Variants in CAMTA1 observed in about 807,000 individuals in gnomAD.
CAMTA1 encodes the protein calmodulin binding transcription activator 1.
In CAMTA1, 27 loss-of-function variants were observed where a neutral mutation model predicts 170.9. That is an observed-to-expected ratio of 0.16 (90% CI 0.12 to 0.22). The LOEUF (loss-of-function observed/expected upper bound fraction) is 0.22. Ranked by LOEUF, CAMTA1 falls within the 10% of genes least tolerant of loss-of-function variation. CAMTA1 has a pLI of 1.00. For missense variants in CAMTA1, 1,619 were observed against 2,217.2 expected, an observed-to-expected ratio of 0.73 and a Z score of 5.42; for synonymous variants, 833 against 891.5, an observed-to-expected ratio of 0.93 and a Z score of 1.17.
At chr1:7,462,965 C>T (rs913242316) in intron 5 of CAMTA1, among the ~76,000 whole-genome samples, 8 of 152,184 alleles carry the variant, frequency 5.3e-5, no homozygotes, top group African/African-American at 1.7e-4. Context: ...GCCACTGGGT[C>T]GGGGGCTCCT....
At chr1:7,442,335 C>T (rs909830163) in intron 5 of CAMTA1, among the ~76,000 whole-genome samples, 2 of 152,220 alleles carry the variant, frequency 1.3e-5, no homozygotes, top group African/African-American at 4.8e-5. Context: ...AAGTAGGTGC[C>T]TGCTTCCTGG....
At chr1:7,079,950 T>A (rs1487660042) in intron 3 of CAMTA1, among the ~76,000 whole-genome samples, 2 of 152,202 alleles carry the variant, frequency 1.3e-5, no homozygotes. Context: ...GAGTAAATTA[T>A]CCTTACATGG....
intron 4 of CAMTA1, among the ~76,000 whole-genome samples, chr1:7,221,875 C>G (rs1486416787): frequency 1.3e-5 from 2 of 150,408 alleles, no homozygotes; most frequent in African/African-American, 5.0e-5. Flanking sequence ...CCCCTGCCTT[C>G]CTTCAGAGGG....
chr1:7,443,492 C>T lies in CAMTA1; in HGVS notation c.439-24338C>T, dbSNP rs1042685836. Among the ~76,000 whole-genome samples the T allele has an allele frequency of 5.9e-5, 9 of 152,110 alleles. No homozygotes were observed. Among genetic ancestry groups the T allele is most frequent in the South Asian group, 2.1e-4 (1 of 4,824 alleles). On this transcript the variant is annotated intron_variant, in intron 5 of 22. Coordinates refer to ENST00000303635, the MANE Select transcript of CAMTA1 (RefSeq NM_015215.4). The surrounding 1 kb of genome is among the most constrained non-coding windows in gnomAD (Gnocchi z 4.1). ...CGAATCAGCATTTTCTGGAGACTGGCGCCTGGACCACCTCAGCACAATACC... is the reference window on the plus strand; with the variant it reads ...CGAATCAGCATTTTCTGGAGACTGGTGCCTGGACCACCTCAGCACAATACC...
At chr1:7,466,661 G>C (rs2093218233) in intron 5 of CAMTA1, among the ~76,000 whole-genome samples, 1 of 152,202 alleles carries the variant, frequency 6.6e-6, no homozygotes, top group Admixed American at 6.5e-5. Flanking sequence ...CCACCTGGCA[G>C]ATGTCCTGTG....
chr1:7,299,367 G>C lies in CAMTA1; in HGVS notation c.438+49741G>C, dbSNP rs2213775. 2.0e-5 allele frequency among the ~76,000 whole-genome samples: 3 copies of C among 152,246 alleles called. No homozygotes were observed. The East Asian group carries it at 5.8e-4, about 29-fold the overall frequency. ...GACTCTGAAGCCAGTGCTGTCAGCAGTTTCTCCCCCTTAATGTAATGCTGT... is the reference window on the plus strand; with the variant it reads ...GACTCTGAAGCCAGTGCTGTCAGCACTTTCTCCCCCTTAATGTAATGCTGT... On this transcript the variant is annotated intron_variant, in intron 5 of 22. Transcript: ENST00000303635. The surrounding 1 kb of genome is among the most constrained non-coding windows in gnomAD (Gnocchi z 4.7).
At chr1:7,302,484 G>A (rs538465497) in intron 5 of CAMTA1, among the ~76,000 whole-genome samples, 1 of 152,312 alleles carries the variant, frequency 6.6e-6, no homozygotes, top group East Asian at 1.9e-4. Context: ...GGCTGCCACG[G>A]TGGCTGTCAT....
chr1:7,350,166 C>T (rs2084546095), intron 5 of CAMTA1, among the ~76,000 whole-genome samples: 1 of 152,172 alleles, frequency 6.6e-6, no homozygotes, highest in Non-Finnish European at 1.5e-5. Flanking sequence ...TCTTGTTCTC[C>T]CCCACTATCC....
chr1:7,284,562 G>A (rs1306316442), intron 5 of CAMTA1, among the ~76,000 whole-genome samples: 1 of 152,142 alleles, frequency 6.6e-6, no homozygotes, highest in African/African-American at 2.4e-5. Flanking sequence ...GAAACACATG[G>A]GTTAATATGG....
intron 3 of CAMTA1, among the ~76,000 whole-genome samples, chr1:7,048,371 C>T (rs1343566694): frequency 6.6e-6 from 1 of 151,906 alleles, no homozygotes; most frequent in Non-Finnish European, 1.5e-5. Flanking sequence ...CAAATACTAC[C>T]TAGAGAGTCA....
At chr1:6,867,747 A>G (rs1371889545) in intron 3 of CAMTA1, among the ~76,000 whole-genome samples, 1 of 152,122 alleles carries the variant, frequency 6.6e-6, no homozygotes, top group Non-Finnish European at 1.5e-5. Context: ...TGATTTATTT[A>G]TATTTATAGA....
At chr1:7,464,087 T>C (rs1177658829) in intron 5 of CAMTA1, among the ~76,000 whole-genome samples, 1 of 152,220 alleles carries the variant, frequency 6.6e-6, no homozygotes, top group Non-Finnish European at 1.5e-5. Flanking sequence ...TGCCAGGCCT[T>C]AATTCCCCAA....
Position 7,351,444 on chromosome 1 carries a change from T to C in CAMTA1, c.438+101818T>C, listed in dbSNP as rs140800612. ...GGCCAAGGTACCTCCCACGACTCAG[T>C]GGTCACTGGCCAAGGAGGGAGCCAG... On this transcript the variant is annotated intron_variant, in intron 5 of 22. Transcript: ENST00000303635. 5.0e-3 allele frequency among the ~76,000 whole-genome samples: 763 copies of C among 152,294 alleles called. 7 individuals carry two copies. Among genetic ancestry groups the C allele is most frequent in the African/African-American group, 0.018 (734 of 41,564 alleles).
rs563427746 is a variant in CAMTA1 at position 7,580,312 on chromosome 1, G to C, written c.511-60088G>C. On this transcript the variant is annotated intron_variant, in intron 6 of 22. Coordinates refer to ENST00000303635, the MANE Select transcript of CAMTA1 (RefSeq NM_015215.4). This position sits in a 1 kb window ranked among gnomAD's most constrained non-coding sequence, Gnocchi z 4.3. ...CGTGGGAGCTGTTGGGGGGAATGGG[G>C]GCAGGTGGAGAAGAGGAGGAGCTTT... Among the ~76,000 whole-genome samples the C allele has an allele frequency of 6.6e-6, 1 of 152,152 alleles. No homozygotes were observed. The highest frequency in any genetic ancestry group is 1.9e-4 in the East Asian group (1 of 5,178).
intron 5 of CAMTA1, among the ~76,000 whole-genome samples, chr1:7,403,736 C>G (rs1484877266): frequency 6.6e-6 from 1 of 152,194 alleles, no homozygotes; most frequent in African/African-American, 2.4e-5. Flanking sequence ...CATCTAGAAC[C>G]TGGTTGATCT....
chr1:7,607,108 G>A (rs1345227688), intron 6 of CAMTA1, among the ~76,000 whole-genome samples: 1 of 151,850 alleles, frequency 6.6e-6, no homozygotes, highest in Admixed American at 6.5e-5. Flanking sequence ...GGAGTAGGTG[G>A]GTAGATGGAA....
intron 3 of CAMTA1, among the ~76,000 whole-genome samples, chr1:6,902,474 G>A (rs1677333458): frequency 6.6e-6 from 1 of 152,210 alleles, no homozygotes; most frequent in Admixed American, 6.5e-5. Context: ...TTCTGTTTAT[G>A]TGACCTTCTG....
At chr1:7,553,232 GGAATGAATGAATGAGGGAAT>G (rs2094830815) in intron 6 of CAMTA1, among the ~76,000 whole-genome samples, 1 of 12,996 alleles carries the variant, frequency 7.7e-5, no homozygotes, top group African/African-American at 8.5e-4. Flanking sequence ...AATGAATGAG[GGAATGAATGAATGAGGGAAT>G]GAATGAATGA....
chr1:7,559,870 C>T (rs191945216), intron 6 of CAMTA1, among the ~76,000 whole-genome samples: 8 of 152,306 alleles, frequency 5.3e-5, no homozygotes, highest in Non-Finnish European at 1.2e-4. Flanking sequence ...GGCCTGACTG[C>T]AGGAGAATTC....
Sources: gnomAD v4.1 joint callset for allele counts (sites outside exome capture counted in the v4.1 genomes callset) on GRCh38, gnomAD v4.1.1 for gene constraint, Gnocchi (gnomAD v3.1) non-coding constraint, MANE v1.5 for transcripts, NCBI Gene and HGNC (gene_info 2026-07-23, HGNC 2026-07-21) for gene names.